Variants in DENND5B observed in about 807,000 individuals in gnomAD.
DENND5B encodes DENN domain-containing protein 5B.
A neutral mutation model predicts 140.6 loss-of-function variants in DENND5B; 34 were observed. The observed-to-expected ratio is 0.24, with a 90% CI of 0.18 to 0.32. The LOEUF is 0.32. Ranked by LOEUF, DENND5B falls within the 10% of genes least tolerant of loss-of-function variation. The pLI is 1.00. For missense variants in DENND5B, 1,142 were observed against 1,560.2 expected (o/e 0.73, Z 4.52); for synonymous variants, 551 against 562.1 (o/e 0.98, Z 0.28).
At chr12:31,414,181 A>G in intron 12 of DENND5B, among the ~76,000 whole-genome samples, 1 of 152,126 alleles carries the variant, frequency 6.6e-6, no homozygotes, top group Non-Finnish European at 1.5e-5. Flanking sequence ...CTCTTCCCTC[A>G]GCCTCCCAAA....
chr12:31,448,554 T>C (rs557170638), intron 5 of DENND5B, among the ~76,000 whole-genome samples: 15 of 152,310 alleles, frequency 9.8e-5, no homozygotes, highest in African/African-American at 3.4e-4. Flanking sequence ...AAAAAAGACA[T>C]GGAATTTATG....
chr12:31,438,469 A>T (rs552027475), intron 7 of DENND5B, among the ~76,000 whole-genome samples: 1 of 152,310 alleles, frequency 6.6e-6, no homozygotes, highest in African/African-American at 2.4e-5. Context: ...ATATAAGGGA[A>T]AAATGTGCAA....
chr12:31,519,059 A>G (rs1009187301), intron 1 of DENND5B, among the ~76,000 whole-genome samples: 2 of 152,202 alleles, frequency 1.3e-5, no homozygotes, highest in Non-Finnish European at 2.9e-5. Context: ...CATGAGAGTA[A>G]AAGTGGGGCC....
At chr12:31,501,548 C>T (rs1480039195) in intron 1 of DENND5B, among the ~76,000 whole-genome samples, 2 of 152,046 alleles carry the variant, frequency 1.3e-5, no homozygotes, top group Non-Finnish European at 1.5e-5. Flanking sequence ...CCAAGGAAGG[C>T]GGATCACCTG....
chr12:31,569,288 C>T (rs1309342925), intron 1 of DENND5B, among the ~76,000 whole-genome samples: 2 of 151,772 alleles, frequency 1.3e-5, no homozygotes, highest in Admixed American at 6.6e-5. Flanking sequence ...AGGCTGGTCT[C>T]GAACTCCTGA....
rs141358309 is a variant in DENND5B, at chr12:31,402,844, C to T, written c.2804-201G>A. ...AGTTTGCAAACCAGAAGTCTCAATACTCGTAGCAGTGGTTTTCACAGCATG... is the reference window on the plus strand; with the variant it reads ...AGTTTGCAAACCAGAAGTCTCAATATTCGTAGCAGTGGTTTTCACAGCATG... On this transcript the variant is annotated intron_variant, in intron 14 of 20. Coordinates refer to ENST00000389082, the MANE Select transcript of DENND5B (RefSeq NM_144973.4). Among the ~76,000 whole-genome samples, 501 of 152,122 alleles carry T rather than the reference C, an allele frequency of 3.3e-3. 5 individuals are homozygous for T. The highest frequency in any genetic ancestry group is 0.011 in the African/African-American group (469 of 41,494).
chr12:31,510,170 A>G (rs995035633), intron 1 of DENND5B, among the ~76,000 whole-genome samples: 3 of 152,200 alleles, frequency 2.0e-5, no homozygotes. Context: ...TAACACACCC[A>G]CATTTATTAT....
intron 1 of DENND5B, among the ~76,000 whole-genome samples, chr12:31,509,140 C>T (rs931259357): frequency 6.6e-6 from 1 of 152,126 alleles, no homozygotes; most frequent in Non-Finnish European, 1.5e-5. Flanking sequence ...GATCCCCAGC[C>T]CTGAGTTTCA....
chr12:31,429,658 C>T (rs909722180), intron 8 of DENND5B, among the ~76,000 whole-genome samples: 2 of 151,984 alleles, frequency 1.3e-5, no homozygotes, highest in Non-Finnish European at 2.9e-5. Context: ...ATCCACTCAA[C>T]TTGGCCTCCC....
intron 2 of DENND5B, among the ~76,000 whole-genome samples, chr12:31,494,976 A>G (rs1478243892): frequency 6.6e-6 from 1 of 152,052 alleles, no homozygotes; most frequent in Non-Finnish European, 1.5e-5. Flanking sequence ...GTTTTGTCCA[A>G]TTTTTTGTTC....
intron 1 of DENND5B, among the ~76,000 whole-genome samples, chr12:31,553,041 GT>G (rs1490928389): frequency 1.3e-5 from 2 of 152,096 alleles, no homozygotes; most frequent in East Asian, 3.9e-4. Context: ...TTTTTGAAGG[GT>G]TTTTTTGGTC....
intron 1 of DENND5B, among the ~76,000 whole-genome samples, chr12:31,587,253 A>G (rs533460203): frequency 6.6e-6 from 1 of 152,344 alleles, no homozygotes; most frequent in African/African-American, 2.4e-5. Flanking sequence ...TCTAATGGAC[A>G]CATCAAACTT....
At chr12:31,425,683 A>G (rs1218614180) in intron 9 of DENND5B, among the ~76,000 whole-genome samples, 1 of 152,212 alleles carries the variant, frequency 6.6e-6, no homozygotes, top group Non-Finnish European at 1.5e-5. Context: ...AAGAACTTTA[A>G]TTCACCACTA....
chr12:31,470,793 CTG>C (rs753412061), intron 3 of DENND5B, among the ~76,000 whole-genome samples: 8 of 152,088 alleles, frequency 5.3e-5, no homozygotes, highest in Non-Finnish European at 1.2e-4. Context: ...GTCAGAAAAA[CTG>C]AGATTTGTTA....
intron 1 of DENND5B, among the ~76,000 whole-genome samples, chr12:31,543,392 A>G (rs1005969163): frequency 6.6e-6 from 1 of 152,200 alleles, no homozygotes; most frequent in Non-Finnish European, 1.5e-5. Context: ...ACTTTTTATA[A>G]AAGTAATTTA....
chr12:31,408,935 C>T (rs1942286101), intron 14 of DENND5B, among the ~76,000 whole-genome samples: 3 of 152,160 alleles, frequency 2.0e-5, no homozygotes, highest in Admixed American at 2.0e-4. Context: ...AGCTTCGATG[C>T]AGTCTCAATG....
chr12:31,402,057 C>G (rs1941822332), intron 15 of DENND5B, among the ~76,000 whole-genome samples: 1 of 118,268 alleles, frequency 8.5e-6, no homozygotes, highest in Non-Finnish European at 1.7e-5. Context: ...GGCGAAAGAG[C>G]AAGATTCCGT....
intron 8 of DENND5B, among the ~76,000 whole-genome samples, chr12:31,429,063 G>A (rs533671635): frequency 1.3e-4 from 19 of 149,822 alleles, no homozygotes; most frequent in Non-Finnish European, 2.2e-4. Context: ...TTTAAGAGAC[G>A]GGGTTTCATC....
intron 11 of DENND5B, among the ~76,000 whole-genome samples, chr12:31,417,281 C>T (rs539725875): frequency 9.9e-5 from 14 of 141,220 alleles, no homozygotes; most frequent in South Asian, 4.6e-4. Context: ...GGCATGAACC[C>T]GGGATGCAGA....
Sources: allele counts gnomAD v4.1 joint callset (sites outside exome capture counted in the v4.1 genomes callset), GRCh38; gene constraint gnomAD v4.1.1; transcripts MANE v1.5; gene names NCBI Gene and HGNC (gene_info 2026-07-23, HGNC 2026-07-21).